Variants in ARFGEF3 observed in about 807,000 individuals in gnomAD.
ARFGEF3 encodes the protein ARFGEF family member 3.
In ARFGEF3, 96 loss-of-function variants were observed where a neutral mutation model predicts 221.7. That is an observed-to-expected ratio of 0.43 (90% CI 0.37 to 0.51). The LOEUF (loss-of-function observed/expected upper bound fraction) is 0.51, where lower values mean the gene tolerates loss of function less well. Ranked by LOEUF, ARFGEF3 falls within the 20% of genes least tolerant of loss-of-function variation. The pLI is 0.00. For synonymous variants in ARFGEF3, 1,145 were observed against 1,126.8 expected (o/e 1.02, Z -0.32); for missense variants, 2,410 against 2,789.9 (o/e 0.86, Z 3.07).
At chr6:138,237,982 C>T (rs1265300151) in intron 5 of ARFGEF3, among the ~76,000 whole-genome samples, 1 of 152,204 alleles carries the variant, frequency 6.6e-6, no homozygotes, top group Non-Finnish European at 1.5e-5. Flanking sequence ...AATTTGGAAA[C>T]ATTTTTGCCA....
chr6:138,302,105 C>T (rs780053885), intron 22 of ARFGEF3, among the ~76,000 whole-genome samples: 5 of 152,040 alleles, frequency 3.3e-5, no homozygotes, highest in Non-Finnish European at 5.9e-5. Context: ...CAGTGAAACA[C>T]AGAGGAAAAA....
chr6:138,208,876 T>A (rs952027187), intron 3 of ARFGEF3, among the ~76,000 whole-genome samples: 2 of 152,148 alleles, frequency 1.3e-5, no homozygotes, highest in Non-Finnish European at 2.9e-5. Flanking sequence ...GGAGGTTTAG[T>A]GTGGAGAAGA....
chr6:138,167,228 G>C (rs1339055330), intron 1 of ARFGEF3, among the ~76,000 whole-genome samples: 1 of 152,108 alleles, frequency 6.6e-6, no homozygotes, highest in Non-Finnish European at 1.5e-5. Flanking sequence ...GTAAATATTT[G>C]AGTTTCTCAA....
rs1230032875 is a variant in ARFGEF3, at chr6:138,255,763, G to A, written c.1098G>A (p.Met366Ile). The A allele has an allele frequency of 6.4e-7, 1 of 1,557,460 alleles. No homozygotes were observed. The highest frequency in any genetic ancestry group is 1.8e-5 in the Admixed American group (1 of 54,844). ...PQHRVEAIKIMKEILGSPQRL... is the reference protein window; with the variant it reads ...PQHRVEAIKIIKEILGSPQRL... Reference sequence around the variant, plus strand: ...ACCGGGTGGAAGCCATCAAAATAATGAAAGAGGTGAGGAGGCACTGGAGAT... The same window carrying A: ...ACCGGGTGGAAGCCATCAAAATAATAAAAGAGGTGAGGAGGCACTGGAGAT... Residue 366 changes from methionine (M) to isoleucine (I), a missense_variant, in exon 10 of 34, where the codon ATG becomes ATA. Physicochemically the swap from Met to Ile is conservative, Grantham distance 10. Transcript: ENST00000251691.
chr6:138,336,053 G>C (rs1780315605), intron 33 of ARFGEF3, among the ~76,000 whole-genome samples: 2 of 152,140 alleles, frequency 1.3e-5, no homozygotes, highest in South Asian at 4.1e-4. Context: ...TAAGAGTTTA[G>C]TAGTTTGTGA....
At position 138,276,758 on chromosome 6, in the gene ARFGEF3, C is replaced by T. The variant is rs184169808; in HGVS notation, c.2129-1693C>T. On this transcript the variant is annotated intron_variant, in intron 12 of 33. Coordinates refer to ENST00000251691, the MANE Select transcript of ARFGEF3 (RefSeq NM_020340.5). ...TCAGCTAACTACAGCCTCCGCCTCC[C>T]GGGTTCCAGCAATTCTCATTCCTCA... Among the ~76,000 whole-genome samples, 10 of 152,218 alleles carry T rather than the reference C, an allele frequency of 6.6e-5. No homozygotes were observed. The East Asian group carries it at 9.7e-4, about 15-fold the overall frequency.
chr6:138,218,407 T>G (rs758753095), intron 4 of ARFGEF3: 5 of 1,521,942 alleles, frequency 3.3e-6, no homozygotes, highest in South Asian at 2.6e-5. Flanking sequence ...TTTACTACTG[T>G]AAATTGAATT....
chr6:138,206,374 C>T (rs1188018382), intron 2 of ARFGEF3, among the ~76,000 whole-genome samples: 1 of 145,790 alleles, frequency 6.9e-6, no homozygotes, highest in Non-Finnish European at 1.5e-5. Context: ...TCCCCTGACA[C>T]TAGATAATGT....
intron 10 of ARFGEF3, among the ~76,000 whole-genome samples, chr6:138,259,765 T>A (rs546416998): frequency 1.3e-5 from 2 of 152,128 alleles, no homozygotes; most frequent in Admixed American, 1.3e-4. Context: ...TACAAAAAAA[T>A]TAGCTTGGCA....
At chr6:138,273,687 T>C (rs1039372751) in intron 12 of ARFGEF3, among the ~76,000 whole-genome samples, 1 of 152,190 alleles carries the variant, frequency 6.6e-6, no homozygotes, top group Non-Finnish European at 1.5e-5. Flanking sequence ...GCCGTGTAAC[T>C]TTGGGCAAAT....
intron 2 of ARFGEF3, among the ~76,000 whole-genome samples, chr6:138,192,503 A>AAAC (rs58193181): frequency 0.25 from 37,224 of 151,868 alleles, 6,630 homozygotes; most frequent in African/African-American, 0.49. Context: ...AAAACTAACC[A>AAAC]AACAAACTCA....
chr6:138,224,532 A>G (rs1047491698), intron 4 of ARFGEF3, among the ~76,000 whole-genome samples: 3 of 152,154 alleles, frequency 2.0e-5, no homozygotes, highest in African/African-American at 7.2e-5. Context: ...TTGTCTACAC[A>G]TTTTACAATA....
intron 10 of ARFGEF3, among the ~76,000 whole-genome samples, chr6:138,256,549 T>C (rs1778685492): frequency 6.6e-6 from 1 of 152,078 alleles, no homozygotes. Flanking sequence ...TATCTAGAAG[T>C]TAAATTTGAA....
At chr6:138,246,099 T>C (rs1778481789) in intron 8 of ARFGEF3, among the ~76,000 whole-genome samples, 1 of 152,256 alleles carries the variant, frequency 6.6e-6, no homozygotes, top group African/African-American at 2.4e-5. Flanking sequence ...TTTTTTGTTT[T>C]GTTTTGCGTA....
At chr6:138,292,932 ACT>A (rs1401854281) in intron 19 of ARFGEF3, among the ~76,000 whole-genome samples, 2 of 152,208 alleles carry the variant, frequency 1.3e-5, no homozygotes, top group African/African-American at 4.8e-5. Flanking sequence ...AATATTCATC[ACT>A]GTTTTCTTAC....
intron 4 of ARFGEF3, among the ~76,000 whole-genome samples, chr6:138,228,411 T>C (rs569294494): frequency 6.6e-6 from 1 of 151,428 alleles, no homozygotes; most frequent in East Asian, 1.9e-4. Context: ...GGTCTCGAAC[T>C]CCTAATCTCA....
chr6:138,247,757 AT>A (rs533589721), intron 8 of ARFGEF3, among the ~76,000 whole-genome samples: 1 of 152,210 alleles, frequency 6.6e-6, no homozygotes, highest in Non-Finnish European at 1.5e-5. Context: ...TTACTATAAT[AT>A]TGTATAGAAT....
rs868022225 is a variant in ARFGEF3, at chr6:138,195,101, C to T, written c.138-11941C>T. ...TACTGCAACCTCTGCCTCCCAGGTT[C>T]AAGCGATGTTTCTGCCTCAGCCTCC... On this transcript the variant is annotated intron_variant, in intron 2 of 33. Transcript: ENST00000251691. 2.9e-5 allele frequency among the ~76,000 whole-genome samples: 4 copies of T among 138,390 alleles called. No homozygotes were observed. The South Asian group carries it at 7.3e-4, about 25-fold the overall frequency. The allele number at this position is 138,390 out of a possible 152,430, so 90.8% of individuals were successfully genotyped here.
chr6:138,192,361 C>T (rs932229310), intron 2 of ARFGEF3, among the ~76,000 whole-genome samples: 5 of 152,142 alleles, frequency 3.3e-5, no homozygotes, highest in Non-Finnish European at 7.3e-5. Flanking sequence ...ATGGCAGGCA[C>T]CTGTAATCCC....
Sources: gnomAD v4.1 joint callset for allele counts (sites outside exome capture counted in the v4.1 genomes callset) on GRCh38, gnomAD v4.1.1 for gene constraint, MANE v1.5 for transcripts, NCBI Gene and HGNC (gene_info 2026-07-23, HGNC 2026-07-21) for gene names.